The following GALNTL6 variants were observed in gnomAD, a reference collection of about 807,000 sequenced individuals.
GALNTL6 encodes the protein polypeptide N-acetylgalactosaminyltransferase-like 6.
Under a neutral mutation model 73.7 loss-of-function variants are expected in GALNTL6, and 46 were observed. The ratio of observed to expected loss-of-function variants is 0.62; its 90% CI spans 0.49 to 0.80. GALNTL6 has a LOEUF of 0.80. GALNTL6 is among the 30% of genes least tolerant of loss of function. The pLI is 0.00. For synonymous variants in GALNTL6, 259 were observed against 263.7 expected, an observed-to-expected ratio of 0.98 and a Z score of 0.17; for missense variants, 604 against 755.0, an observed-to-expected ratio of 0.80 and a Z score of 2.34.
chr4:172,903,890 G>T (rs1746751034), intron 8 of GALNTL6, among the ~76,000 whole-genome samples: 1 of 152,000 alleles, frequency 6.6e-6, no homozygotes, highest in South Asian at 2.1e-4. Context: ...TGTTACCTGG[G>T]TATATTGTAT....
At chr4:171,942,014 G>A (rs1398255694) in intron 2 of GALNTL6, among the ~76,000 whole-genome samples, 1 of 152,030 alleles carries the variant, frequency 6.6e-6, no homozygotes, top group Non-Finnish European at 1.5e-5. Flanking sequence ...AAGTTATTCA[G>A]GAAATAGTTG....
chr4:172,319,976 G>A (rs1740696677), intron 4 of GALNTL6, among the ~76,000 whole-genome samples: 1 of 152,132 alleles, frequency 6.6e-6, no homozygotes, highest in Non-Finnish European at 1.5e-5. Flanking sequence ...ACTTCAGACA[G>A]ATGCAACCAA....
At chr4:171,911,260 G>A (rs6838081) in intron 2 of GALNTL6, among the ~76,000 whole-genome samples, 5,328 of 152,204 alleles carry the variant, frequency 0.035, 287 homozygotes, top group African/African-American at 0.12. Flanking sequence ...CCCAGGCTCT[G>A]TCAAGCCTCC....
chr4:172,178,289 A>T (rs182894475), intron 2 of GALNTL6, among the ~76,000 whole-genome samples: 294 of 152,230 alleles, frequency 1.9e-3, no homozygotes, highest in Non-Finnish European at 3.2e-3. Flanking sequence ...TTCTTTTTTT[A>T]AAAAATTATT....
intron 5 of GALNTL6, among the ~76,000 whole-genome samples, chr4:172,656,526 C>G (rs1283704129): frequency 1.3e-5 from 2 of 152,102 alleles, no homozygotes; most frequent in Admixed American, 1.3e-4. Flanking sequence ...TCCTGAGCAC[C>G]CCTTTTCTAG....
chr4:172,640,158 A>G (rs1228724298), intron 5 of GALNTL6, among the ~76,000 whole-genome samples: 2 of 152,140 alleles, frequency 1.3e-5, no homozygotes, highest in Non-Finnish European at 2.9e-5. Flanking sequence ...AAGTCATCAA[A>G]AAACCATTAC....
intron 10 of GALNTL6, among the ~76,000 whole-genome samples, chr4:172,977,871 C>G (rs1243118437): frequency 6.6e-6 from 1 of 152,156 alleles, no homozygotes; most frequent in Non-Finnish European, 1.5e-5. Flanking sequence ...GGCACATTCT[C>G]GCTCTGTTGC....
chr4:172,059,837 T>C (rs942997759), intron 2 of GALNTL6, among the ~76,000 whole-genome samples: 2 of 152,170 alleles, frequency 1.3e-5, no homozygotes, highest in African/African-American at 4.8e-5. Context: ...CATAAGTCCA[T>C]TTTCTTCTCA....
At chr4:172,465,014 A>G (rs1732755798) in intron 5 of GALNTL6, among the ~76,000 whole-genome samples, 1 of 152,168 alleles carries the variant, frequency 6.6e-6, no homozygotes, top group Non-Finnish European at 1.5e-5. Flanking sequence ...CATCGTAATG[A>G]AAAAAACAAT....
rs578038350 is a variant in GALNTL6, at chr4:171,910,571, TA to T, written c.138+95864del. Among the ~76,000 whole-genome samples the T allele has an allele frequency of 5.3e-3, 778 of 147,652 alleles. 6 individuals are homozygous for T. The highest frequency in any genetic ancestry group is 0.019 in the South Asian group (88 of 4,682). On this transcript the variant is annotated intron_variant, in intron 2 of 12. Coordinates refer to ENST00000506823, the MANE Select transcript of GALNTL6 (RefSeq NM_001034845.3). Reference sequence around the variant, plus strand: ...TATAAATGACAGAAGTCTACATTCTTAAAAAAAAAAATCAGTTTATGTTACA... The same window carrying T: ...TATAAATGACAGAAGTCTACATTCTTAAAAAAAAAATCAGTTTATGTTACA...
At chr4:172,442,140 A>C (rs1428725590) in intron 5 of GALNTL6, among the ~76,000 whole-genome samples, 2 of 152,214 alleles carry the variant, frequency 1.3e-5, no homozygotes. Flanking sequence ...AAAAGGTCGC[A>C]GGATCCTAAC....
At chr4:172,571,835 C>T (rs1016139059) in intron 5 of GALNTL6, among the ~76,000 whole-genome samples, 1 of 152,150 alleles carries the variant, frequency 6.6e-6, no homozygotes, top group African/African-American at 2.4e-5. Flanking sequence ...GAAGCCATGC[C>T]CCAGGCATTG....
chr4:172,934,476 T>C (rs1014174820), intron 9 of GALNTL6, among the ~76,000 whole-genome samples: 4 of 152,204 alleles, frequency 2.6e-5, no homozygotes, highest in Non-Finnish European at 4.4e-5. Flanking sequence ...TGCCCTTATT[T>C]GGCAAAAACA....
chr4:171,834,429 T>C (rs1467717278), intron 2 of GALNTL6, among the ~76,000 whole-genome samples: 1 of 151,924 alleles, frequency 6.6e-6, no homozygotes, highest in Non-Finnish European at 1.5e-5. Flanking sequence ...CTAGTACATC[T>C]CTTTTTGGAA....
At chr4:171,864,550 TC>T (rs1234159536) in intron 2 of GALNTL6, among the ~76,000 whole-genome samples, 39 of 152,308 alleles carry the variant, frequency 2.6e-4, no homozygotes, top group African/African-American at 7.7e-4. Context: ...TTCCTGATAG[TC>T]ATACCACACA....
intron 2 of GALNTL6, among the ~76,000 whole-genome samples, chr4:172,221,534 A>G (rs1280960950): frequency 6.8e-6 from 1 of 146,850 alleles, no homozygotes; most frequent in Admixed American, 6.9e-5. Context: ...AATGCTATCC[A>G]CATTCACACT....
At chr4:172,991,343 T>A (rs1374790842) in intron 10 of GALNTL6, among the ~76,000 whole-genome samples, 2 of 152,054 alleles carry the variant, frequency 1.3e-5, no homozygotes, top group Non-Finnish European at 2.9e-5. Context: ...AAAGAGAAAA[T>A]CCTATTTTAC....
At chr4:172,203,427 C>A (rs547829450) in intron 2 of GALNTL6, among the ~76,000 whole-genome samples, 61 of 152,020 alleles carry the variant, frequency 4.0e-4, no homozygotes, top group African/African-American at 1.4e-3. Context: ...GAAACGATGG[C>A]GGTATTTTAA....
chr4:173,015,021 A>G (rs535995757), intron 11 of GALNTL6, among the ~76,000 whole-genome samples: 1 of 152,306 alleles, frequency 6.6e-6, no homozygotes, highest in Non-Finnish European at 1.5e-5. Flanking sequence ...CTGAGTTCTC[A>G]TAAGATCTGA....
Sources: gnomAD v4.1 joint callset for allele counts (sites outside exome capture counted in the v4.1 genomes callset) on GRCh38, gnomAD v4.1.1 for gene constraint, MANE v1.5 for transcripts, NCBI Gene and HGNC (gene_info 2026-07-23, HGNC 2026-07-21) for gene names.